RALGDS: variants seen among roughly 807,000 people sequenced by gnomAD.
RALGDS encodes the protein ral guanine nucleotide exchange factor.
In RALGDS, 44 loss-of-function variants were observed where a neutral mutation model predicts 99.8. That is an observed-to-expected ratio of 0.44 (90% CI 0.35 to 0.57). The LOEUF is 0.57. RALGDS is among the 20% of genes least tolerant of loss of function. RALGDS has a pLI of 0.01. For missense variants in RALGDS, 1,022 were observed against 1,203.1 expected, an observed-to-expected ratio of 0.85 and a Z score of 2.23; for synonymous variants, 529 against 505.0, an observed-to-expected ratio of 1.05 and a Z score of -0.64.
intron 16 of RALGDS, 48 bp from the exon 17 acceptor site, chr9:133,100,430 G>A (rs1452876649): frequency 8.7e-6 from 14 of 1,609,284 alleles, no homozygotes; most frequent in Non-Finnish European, 1.2e-5. Context: ...CCCTGGAGCG[G>A]CTCCCCCAGA....
intron 17 of RALGDS, chr9:133,099,997 C>T (rs1449268547): frequency 1.9e-6 from 1 of 529,894 alleles, no homozygotes; most frequent in African/African-American, 1.9e-5. Context: ...ACGTGGCTAA[C>T]CTGTCCCAGT....
At chr9:133,118,858 G>C (rs1188359169) in intron 1 of RALGDS, among the ~76,000 whole-genome samples, 2 of 152,214 alleles carry the variant, frequency 1.3e-5, no homozygotes, top group Admixed American at 6.5e-5. Context: ...GTTTAGGTCA[G>C]AGACTTCCCT....
At chr9:133,104,182 C>G (rs779256248) in intron 10 of RALGDS, 81 bp downstream of exon 10, 4 of 1,420,500 alleles carry the variant, frequency 2.8e-6, no homozygotes, top group Non-Finnish European at 4.0e-6. Context: ...GGCCCATAGG[C>G]ACCGTGGCTA....
chr9:133,103,287 G>A (rs753615885), intron 11 of RALGDS, 25 bp from the exon 12 acceptor site: 47 of 1,613,788 alleles, frequency 2.9e-5, no homozygotes, highest in East Asian at 2.5e-4. Flanking sequence ...CCCAATGGCC[G>A]TCAGAAAGTG....
intron 1 of RALGDS, 125 bp downstream of exon 1, chr9:133,120,847 G>A: frequency 9.1e-7 from 1 of 1,099,420 alleles, no homozygotes; most frequent in East Asian, 3.3e-5. Context: ...CTATGGAGGA[G>A]AGAGGAGGGA....
At chr9:133,100,568 C>T in intron 16 of RALGDS, 186 bp from the exon 17 acceptor site, 3 of 1,462,452 alleles carry the variant, frequency 2.1e-6, no homozygotes, top group Non-Finnish European at 1.8e-6. Context: ...GGCCTCCGTC[C>T]TTCTGTTCCC....
upstream of RALGDS, among the ~76,000 whole-genome samples, chr9:133,123,195 C>T (rs1323252173): frequency 1.3e-5 from 2 of 152,168 alleles, no homozygotes; most frequent in African/African-American, 4.8e-5. Context: ...TAAGCTCCTC[C>T]TCCCATCCCT....
intron 1 of RALGDS, among the ~76,000 whole-genome samples, chr9:133,147,091 C>T (rs1469891624): frequency 6.6e-6 from 1 of 152,144 alleles, no homozygotes; most frequent in Non-Finnish European, 1.5e-5. Flanking sequence ...TCCACAGGCC[C>T]CTGGGCTGCC....
intron 1 of RALGDS, among the ~76,000 whole-genome samples, chr9:133,145,458 T>A (rs1832607980): frequency 6.8e-6 from 1 of 147,188 alleles, no homozygotes; most frequent in African/African-American, 2.7e-5. Context: ...TGCTACTTCG[T>A]CATATTCAGA....
intron 9 of RALGDS, chr9:133,104,548 A>T (rs1830922606): frequency 1.7e-6 from 1 of 575,836 alleles, no homozygotes; most frequent in Non-Finnish European, 3.1e-6. Flanking sequence ...GCGGTGGCTC[A>T]CGCCTGTAAT....
At chr9:133,101,873 GCCC>G in intron 15 of RALGDS, 62 bp downstream of exon 15, 1 of 1,551,162 alleles carries the variant, frequency 6.4e-7, no homozygotes, top group East Asian at 2.4e-5. Flanking sequence ...GGGCTTCCTG[GCCC>G]CATGCATGGA....
chr9:133,128,831 A>T (rs1832242847), intron 1 of RALGDS, among the ~76,000 whole-genome samples: 1 of 152,080 alleles, frequency 6.6e-6, no homozygotes, highest in Non-Finnish European at 1.5e-5. Flanking sequence ...GTCCTTGGTA[A>T]TCCAAGAAGC....
At chr9:133,130,876 C>A in intron 1 of RALGDS, 2 of 1,373,906 alleles carry the variant, frequency 1.5e-6, no homozygotes, top group Non-Finnish European at 2.0e-6. Context: ...GGGGCCAGAA[C>A]ACTCAGAGCC....
At chr9:133,145,980 C>T (rs529928789) in intron 1 of RALGDS, among the ~76,000 whole-genome samples, 55 of 152,242 alleles carry the variant, frequency 3.6e-4, no homozygotes, top group South Asian at 3.3e-3. Flanking sequence ...CTCACAGGGG[C>T]GAGACACAGC....
intron 6 of RALGDS, among the ~76,000 whole-genome samples, chr9:133,107,750 C>T (rs766376552): frequency 6.6e-6 from 1 of 152,268 alleles, no homozygotes; most frequent in Non-Finnish European, 1.5e-5. Context: ...GCTGAGCTTC[C>T]TGTCTGTTCC....
upstream of RALGDS, among the ~76,000 whole-genome samples, chr9:133,131,558 C>T (rs1356577328): frequency 3.3e-5 from 5 of 152,052 alleles, no homozygotes; most frequent in African/African-American, 1.2e-4. Flanking sequence ...CAGCCTTCTC[C>T]AACACCCCTG....
chr9:133,104,850 CAG>C (rs1024175468), intron 9 of RALGDS, among the ~76,000 whole-genome samples: 91 of 152,262 alleles, frequency 6.0e-4, no homozygotes, highest in Middle Eastern at 3.4e-3. Flanking sequence ...CGCAGGGCCT[CAG>C]AGACTCTGCG....
chr9:133,107,796 G>A (rs911940120), intron 6 of RALGDS, among the ~76,000 whole-genome samples, 192 bp downstream of exon 6: 1 of 152,252 alleles, frequency 6.6e-6, no homozygotes, highest in African/African-American at 2.4e-5. Context: ...GAGGATAGGG[G>A]TGACCTCATC....
upstream of RALGDS, among the ~76,000 whole-genome samples, chr9:133,122,171 G>A (rs577072641): frequency 3.9e-5 from 6 of 152,362 alleles, no homozygotes; most frequent in Non-Finnish European, 7.3e-5. Context: ...TGCTGGGGCT[G>A]AAGGGGAAGC....
Sources: allele counts gnomAD v4.1 joint callset (sites outside exome capture counted in the v4.1 genomes callset), GRCh38; gene constraint gnomAD v4.1.1; transcripts MANE v1.5; gene names NCBI Gene and HGNC (gene_info 2026-07-23, HGNC 2026-07-21).